BANK1: variants seen among roughly 807,000 people sequenced by gnomAD.
BANK1 encodes the protein B cell scaffold protein with ankyrin repeats 1.
BANK1 carries 95 observed loss-of-function variants against 94.5 expected under a neutral mutation model. That is an observed-to-expected ratio of 1.00 (90% CI 0.85 to 1.19). The LOEUF is 1.19. Ranked by LOEUF, BANK1 falls within the 50% of genes most tolerant of loss-of-function variation. The pLI is 0.00. For synonymous variants in BANK1, 334 were observed against 308.4 expected (o/e 1.08, Z -0.87); for missense variants, 987 against 932.2 (o/e 1.06, Z -0.77).
At chr4:102,004,363 T>C (rs1460973267) in intron 7 of BANK1, among the ~76,000 whole-genome samples, 1 of 152,216 alleles carries the variant, frequency 6.6e-6, no homozygotes, top group African/African-American at 2.4e-5. Flanking sequence ...TGACATTCTC[T>C]TCCATACATA....
In BANK1 at chr4:102,030,121, A is replaced by G. The variant is rs755616158; in HGVS notation, c.1756A>G (p.Ser586Gly). The change falls in exon 10 of 17, where the codon AGT becomes GGT. Residue 586 changes from serine to glycine, a missense_variant. Transcript: ENST00000322953. The part of the protein sequence containing the change: ...DPYTFAEIDD[S>G]EYDMILANLS... ...ATATACTTTTGCTGAGATTGATGAC[A>G]GTGAATATGACATGATATTGGCCAA... is the stretch of plus-strand genomic sequence containing the variant. 13 of 1,613,952 alleles carry G rather than the reference A, an allele frequency of 8.1e-6. No homozygotes were observed. Among genetic ancestry groups the G allele is most frequent in the Non-Finnish European group, 1.1e-5 (13 of 1,179,992 alleles).
intron 1 of BANK1, among the ~76,000 whole-genome samples, chr4:101,809,755 C>G (rs1297553804): frequency 6.6e-6 from 1 of 152,078 alleles, no homozygotes; most frequent in Admixed American, 6.6e-5. Context: ...TGAAGTGAAG[C>G]AGAAAGTATA....
chr4:101,820,317 G>T (rs572628406), intron 1 of BANK1, among the ~76,000 whole-genome samples: 4 of 152,030 alleles, frequency 2.6e-5, no homozygotes, highest in East Asian at 1.9e-4. Context: ...GTATTAAATC[G>T]TTTTTTGTGG....
intron 7 of BANK1, among the ~76,000 whole-genome samples, chr4:101,971,101 G>A (rs978031165): frequency 5.9e-5 from 9 of 152,060 alleles, no homozygotes; most frequent in African/African-American, 1.9e-4. Context: ...AAGAAATATA[G>A]CATAACTTAA....
intron 7 of BANK1, among the ~76,000 whole-genome samples, chr4:101,980,646 G>T (rs1288659905): frequency 6.6e-6 from 1 of 151,816 alleles, no homozygotes; most frequent in African/African-American, 2.4e-5. Context: ...TACTGGGATT[G>T]CTTTTATTTA....
At chr4:101,876,181 C>T (rs749457508) in intron 5 of BANK1, among the ~76,000 whole-genome samples, 3 of 152,194 alleles carry the variant, frequency 2.0e-5, no homozygotes, top group African/African-American at 4.8e-5. Flanking sequence ...CCTGAATAAA[C>T]AGCAGTGATA....
At chr4:101,833,380 T>G (rs1290254041) in intron 2 of BANK1, among the ~76,000 whole-genome samples, 1 of 152,212 alleles carries the variant, frequency 6.6e-6, no homozygotes, top group East Asian at 1.9e-4. Flanking sequence ...TTGTTATTGT[T>G]GTTGTTATTT....
intron 5 of BANK1, among the ~76,000 whole-genome samples, chr4:101,880,904 C>T (rs1036310246): frequency 6.6e-6 from 1 of 152,026 alleles, no homozygotes; most frequent in African/African-American, 2.4e-5. Flanking sequence ...CATTTCTCAC[C>T]GCATACAAAA....
intron 10 of BANK1, 68 bp downstream of exon 10, chr4:102,030,333 G>A: frequency 7.0e-7 from 1 of 1,428,132 alleles, no homozygotes; most frequent in Non-Finnish European, 9.4e-7. Flanking sequence ...TGGGAGGAGG[G>A]GATAAGGTGA....
intron 1 of BANK1, among the ~76,000 whole-genome samples, chr4:101,809,736 A>G (rs1344450803): frequency 1.3e-5 from 2 of 152,228 alleles, no homozygotes; most frequent in Non-Finnish European, 2.9e-5. Context: ...CTATGCTACA[A>G]ATACTGTGTG....
At chr4:101,982,281 A>G (rs542772039) in intron 7 of BANK1, among the ~76,000 whole-genome samples, 11 of 151,710 alleles carry the variant, frequency 7.3e-5, no homozygotes, top group Non-Finnish European at 1.2e-4. Context: ...ACATATTTTA[A>G]TAATAATATT....
At chr4:101,999,800 G>C (rs1725999846) in intron 7 of BANK1, among the ~76,000 whole-genome samples, 2 of 152,188 alleles carry the variant, frequency 1.3e-5, no homozygotes, top group African/African-American at 4.8e-5. Context: ...TGGGACACTT[G>C]AAGAATAAGT....
chr4:102,015,790 C>T (rs549675087), intron 7 of BANK1, among the ~76,000 whole-genome samples: 1 of 152,226 alleles, frequency 6.6e-6, no homozygotes, highest in East Asian at 1.9e-4. Flanking sequence ...ATATTTTCTT[C>T]CACTAATCCT....
At chr4:101,875,634 G>A (rs772708390) in intron 5 of BANK1, among the ~76,000 whole-genome samples, 15 of 152,198 alleles carry the variant, frequency 9.9e-5, no homozygotes, top group African/African-American at 1.9e-4. Flanking sequence ...GATACATGGG[G>A]ATTACAATTC....
At chr4:101,956,812 C>T (rs1447720703) in intron 7 of BANK1, among the ~76,000 whole-genome samples, 4 of 152,146 alleles carry the variant, frequency 2.6e-5, no homozygotes, top group African/African-American at 9.7e-5. Flanking sequence ...TCCTCTTAGG[C>T]ATAGAATTAT....
At chr4:101,970,183 G>A (rs1724905740) in intron 7 of BANK1, among the ~76,000 whole-genome samples, 1 of 152,106 alleles carries the variant, frequency 6.6e-6, no homozygotes. Flanking sequence ...GTCAGGCACT[G>A]TTATCCCAGA....
intron 1 of BANK1, among the ~76,000 whole-genome samples, chr4:101,792,539 A>G (rs77129668): frequency 0.018 from 2,741 of 150,436 alleles, 95 homozygotes; most frequent in African/African-American, 0.064. Context: ...TTGGGGGTCA[A>G]TTGGTCCAAC....
chr4:102,072,953 T>C (rs899753306), intron 15 of BANK1, among the ~76,000 whole-genome samples: 1 of 152,100 alleles, frequency 6.6e-6, no homozygotes, highest in Admixed American at 6.5e-5. Context: ...ATAAAAATAA[T>C]GTTATTCCAA....
At position 101,799,076 on chromosome 4, in the gene BANK1, C is replaced by T. The variant is rs185149761; in HGVS notation, c.70+8126C>T. 5.3e-3 allele frequency among the ~76,000 whole-genome samples: 801 copies of T among 152,182 alleles called. 11 individuals carry two copies. In the East Asian group the frequency reaches 0.061, roughly 12 times the overall value. On this transcript the variant is annotated intron_variant, in intron 1 of 16. Transcript: ENST00000322953. ...AATGGTATTGCCTAGGTTTTCTTCTCAGGTTTTTACGGTTTTAGGTCTAAC... is the reference window on the plus strand; with the variant it reads ...AATGGTATTGCCTAGGTTTTCTTCTTAGGTTTTTACGGTTTTAGGTCTAAC...
Sources: allele counts gnomAD v4.1 joint callset (sites outside exome capture counted in the v4.1 genomes callset), GRCh38; gene constraint gnomAD v4.1.1; transcripts MANE v1.5; gene names NCBI Gene and HGNC (gene_info 2026-07-23, HGNC 2026-07-21).